Variants in COL4A5 observed in about 807,000 individuals in gnomAD.
The protein encoded by COL4A5 is collagen type IV alpha 5 chain, also known as collagen alpha-5(IV) chain.
In COL4A5, 26 loss-of-function variants were observed where a neutral mutation model predicts 130.2. The observed-to-expected ratio is 0.20, with a 90% CI of 0.15 to 0.28. The LOEUF (loss-of-function observed/expected upper bound fraction) is 0.28, where lower values mean the gene tolerates loss of function less well. COL4A5 is among the 10% of genes least tolerant of loss of function. COL4A5 has a pLI of 1.00. For synonymous variants in COL4A5, 496 were observed against 439.6 expected (o/e 1.13, Z -1.60); for missense variants, 1,131 against 1,344.3 (o/e 0.84, Z 2.48).
At chrX:108,693,011 T>C in intron 50 of COL4A5, 86 bp downstream of exon 50, 1 of 1,025,245 alleles carries the variant, frequency 9.8e-7, no homozygotes, top group Non-Finnish European at 1.4e-6. Context: ...AATCTGATGA[T>C]ATTCCTCCTA....
chrX:108,471,554 G>A (rs1361524665), intron 1 of COL4A5, among the ~76,000 whole-genome samples: 3 of 111,559 alleles, frequency 2.7e-5, no homozygotes. Context: ...AGTCAATAGG[G>A]TTTTCTAAGT....
At chrX:108,574,516 T>G (rs2066114163) in intron 9 of COL4A5, among the ~76,000 whole-genome samples, 1 of 111,907 alleles carries the variant, frequency 8.9e-6, no homozygotes, top group Admixed American at 9.5e-5. Context: ...AATCAAATCC[T>G]TCTGCATTCC....
intron 1 of COL4A5, among the ~76,000 whole-genome samples, chrX:108,512,629 A>G (rs2065188548): frequency 9.0e-6 from 1 of 111,060 alleles, no homozygotes; most frequent in South Asian, 3.8e-4. Flanking sequence ...AAAACCAGCA[A>G]GTTTTTATTA....
intron 1 of COL4A5, among the ~76,000 whole-genome samples, chrX:108,509,732 T>A (rs2065162664): frequency 8.9e-6 from 1 of 112,065 alleles, no homozygotes; most frequent in African/African-American, 3.2e-5. Flanking sequence ...TCAACCATTG[T>A]GGAAAGCAGT....
intron 2 of COL4A5, among the ~76,000 whole-genome samples, chrX:108,540,643 G>T (rs1431623815): frequency 9.0e-6 from 1 of 110,927 alleles, no homozygotes; most frequent in African/African-American, 3.3e-5. Context: ...TAGAGATGGG[G>T]TTTCGCCTTG....
At chrX:108,492,052 T>C (rs1265860191) in intron 1 of COL4A5, among the ~76,000 whole-genome samples, 1 of 111,634 alleles carries the variant, frequency 9.0e-6, no homozygotes, top group African/African-American at 3.3e-5. Context: ...CTTCAACATA[T>C]TCCTGGTAAT....
In COL4A5 at chrX:108,696,551, C is replaced by A. The variant is rs1208462476; in HGVS notation, c.*173C>A. 1 of 362,096 alleles carries A rather than the reference C, an allele frequency of 2.8e-6. No homozygotes were observed. Among genetic ancestry groups the A allele is most frequent in the Non-Finnish European group, 4.8e-6 (1 of 208,066 alleles). The allele number at this position is 362,096 out of a possible 1,213,427, so 29.8% of individuals were successfully genotyped here. A position where few individuals can be genotyped will look rare whatever the true frequency, so the allele number is the denominator to read the frequency against. On this transcript the variant is annotated 3_prime_UTR_variant, in exon 53 of 53. Coordinates refer to ENST00000328300, the MANE Select transcript of COL4A5 (RefSeq NM_033380.3). The stretch of plus-strand genomic sequence containing the variant: ...CCATGAAGATTCAGATGTACCTCAG[C>A]AATGCGCCAGAGCAAAGTCTCTATT...
intron 36 of COL4A5, among the ~76,000 whole-genome samples, chrX:108,652,831 G>A (rs192897086): frequency 8.9e-6 from 1 of 112,371 alleles, no homozygotes; most frequent in East Asian, 2.8e-4. Flanking sequence ...ATAGTCATTA[G>A]ATAGTTTCAC....
chrX:108,506,371 TC>T (rs2065124324), intron 1 of COL4A5, among the ~76,000 whole-genome samples: 1 of 109,453 alleles, frequency 9.1e-6, no homozygotes, highest in Admixed American at 9.8e-5. Flanking sequence ...TATCTATCTA[TC>T]TATCTATCTA....
Position 108,577,968 on chromosome X carries a change from C to T in COL4A5, c.626C>T (p.Pro209Leu). The T allele has an allele frequency of 8.3e-7, 1 of 1,203,057 alleles. No homozygotes were observed. ...TCTTCTTAGGGCCCTCCTGGTCCAC[C>T]AGGACTTCCAGGACCTAAGGTAATT... The part of the protein sequence containing the change: ...PPGLMGPPGP[P>L]GLPGPKGNMG... The change falls in exon 11 of 53, where the codon CCA (proline) becomes CTA (leucine). Residue 209 changes from proline to leucine, a missense_variant. Coordinates refer to ENST00000328300, the MANE Select transcript of COL4A5 (RefSeq NM_033380.3).
chrX:108,557,736 C>G (rs1033752104), intron 2 of COL4A5, among the ~76,000 whole-genome samples: 16 of 110,483 alleles, frequency 1.4e-4, no homozygotes, highest in African/African-American at 5.3e-4. Context: ...AGTCAGCCAC[C>G]TAGTAGATAT....
At chrX:108,675,633 T>C (rs1024693295) in intron 43 of COL4A5, among the ~76,000 whole-genome samples, 4 of 111,441 alleles carry the variant, frequency 3.6e-5, no homozygotes, top group African/African-American at 1.3e-4. Context: ...TTAAATTGTT[T>C]AAATGTAAAA....
intron 44 of COL4A5, among the ~76,000 whole-genome samples, chrX:108,679,065 C>T (rs1414173939): frequency 2.7e-5 from 3 of 112,045 alleles, no homozygotes. Flanking sequence ...ATGAGTGGTT[C>T]TGTGTCCTTC....
intron 17 of COL4A5, among the ~76,000 whole-genome samples, 172 bp from the exon 18 acceptor site, chrX:108,584,312 A>G (rs771803716): frequency 9.0e-6 from 1 of 111,061 alleles, no homozygotes; most frequent in Admixed American, 9.6e-5. Context: ...CTGAGACACC[A>G]TCACAGGTTA....
At chrX:108,624,002 G>A (rs1039268358) in intron 33 of COL4A5, among the ~76,000 whole-genome samples, 5 of 111,494 alleles carry the variant, frequency 4.5e-5, no homozygotes, top group African/African-American at 1.6e-4. Context: ...AGAAAATGAG[G>A]CCCAAAATAG....
intron 2 of COL4A5, among the ~76,000 whole-genome samples, chrX:108,544,244 T>A (rs181422762): frequency 8.9e-6 from 1 of 111,948 alleles, no homozygotes; most frequent in African/African-American, 3.2e-5. Flanking sequence ...TGGCTGTGGG[T>A]TTGTCATAGA....
chrX:108,653,000 A>G (rs2067762348), intron 36 of COL4A5, among the ~76,000 whole-genome samples: 1 of 111,422 alleles, frequency 9.0e-6, no homozygotes, highest in African/African-American at 3.3e-5. Context: ...CCTTTCTCAG[A>G]GTGATTTGTG....
intron 1 of COL4A5, among the ~76,000 whole-genome samples, chrX:108,444,086 T>C (rs921282485): frequency 1.4e-4 from 16 of 111,841 alleles, no homozygotes; most frequent in African/African-American, 4.9e-4. Flanking sequence ...TACTACTTTT[T>C]GTTTTTGCTG....
intron 36 of COL4A5, among the ~76,000 whole-genome samples, chrX:108,636,399 T>G (rs1260071738): frequency 1.8e-5 from 2 of 111,054 alleles, no homozygotes; most frequent in Non-Finnish European, 3.8e-5. Flanking sequence ...GGTAATGGTT[T>G]CTTAGCTATG....
Sources: gnomAD v4.1 joint callset for allele counts (sites outside exome capture counted in the v4.1 genomes callset) on GRCh38, gnomAD v4.1.1 for gene constraint, MANE v1.5 for transcripts, NCBI Gene and HGNC (gene_info 2026-07-23, HGNC 2026-07-21) for gene names.